Variants in PCDH15 observed in about 807,000 individuals in gnomAD.
PCDH15 encodes the protein protocadherin-15.
Under a neutral mutation model 178.5 loss-of-function variants are expected in PCDH15, and 129 were observed. That is an observed-to-expected ratio of 0.72 (90% CI 0.63 to 0.84). PCDH15 has a LOEUF of 0.84. Among genes scored for constraint, PCDH15 ranks in the 40% least tolerant of loss-of-function variants. The pLI is 0.00. For missense variants in PCDH15, 2,230 were observed against 2,099.9 expected (o/e 1.06, Z -1.21); for synonymous variants, 800 against 732.0 (o/e 1.09, Z -1.50).
intron 18 of PCDH15, among the ~76,000 whole-genome samples, chr10:54,060,846 T>C (rs148703115): frequency 6.6e-6 from 1 of 151,680 alleles, no homozygotes; most frequent in African/African-American, 2.4e-5. Context: ...GCATAAGAGG[T>C]GAGGGTTGTT....
At chr10:55,034,473 GT>G (rs1471720531) in intron 2 of PCDH15, among the ~76,000 whole-genome samples, 1 of 152,006 alleles carries the variant, frequency 6.6e-6, no homozygotes, top group Non-Finnish European at 1.5e-5. Context: ...ATATTTTTTT[GT>G]TTTCTTTGTA....
At chr10:55,499,249 T>C (rs1022741160) in intron 2 of PCDH15, among the ~76,000 whole-genome samples, 3 of 151,866 alleles carry the variant, frequency 2.0e-5, no homozygotes, top group East Asian at 1.9e-4. Context: ...AAATTTGTGG[T>C]AATTTGACAG....
rs548021914 is a variant in PCDH15, at chr10:53,821,730, GA to G, written c.4368-1501del. 8.1e-4 allele frequency: 1,228 copies of G among 1,519,158 alleles called. 6 individuals carry two copies. Among genetic ancestry groups the G allele is most frequent in the Middle Eastern group, 4.9e-3 (20 of 4,048 alleles). 94.1% of individuals were successfully genotyped at this position (1,519,158 alleles called of 1,614,324 possible). On this transcript the variant is annotated intron_variant, in intron 32 of 37. Transcript: ENST00000644397. ...TAATATCTTTTTAAATTAAAAACGA[GA>G]AAAAAAACTGCATTTCATTGAATTT...
chr10:55,023,004 C>A (rs1324805487), intron 2 of PCDH15, among the ~76,000 whole-genome samples: 1 of 151,916 alleles, frequency 6.6e-6, no homozygotes, highest in Non-Finnish European at 1.5e-5. Context: ...TGCAGTGGCT[C>A]CATCGCCGCT....
chr10:54,469,397 C>T (rs374030105), intron 3 of PCDH15, among the ~76,000 whole-genome samples: 1 of 152,152 alleles, frequency 6.6e-6, no homozygotes, highest in African/African-American at 2.4e-5. Flanking sequence ...ATGCTGCCCC[C>T]ATCCCTGCCT....
intron 2 of PCDH15, among the ~76,000 whole-genome samples, chr10:54,559,272 C>T (rs1046963952): frequency 2.8e-4 from 43 of 151,986 alleles, no homozygotes; most frequent in Non-Finnish European, 2.9e-5. Context: ...CTTTGTAATG[C>T]TCCTGTGAGT....
rs559619370 is a variant in PCDH15, at chr10:54,278,876, A to T, written c.876+38395T>A. Among the ~76,000 whole-genome samples the T allele has an allele frequency of 2.0e-5, 3 of 151,694 alleles. No individual in the cohort carries two copies. In the South Asian group the frequency reaches 6.2e-4, roughly 31 times the overall value. ...TCTCTTTTGTACTTTACAAATCTGC[A>T]CTTCAATTCTTCTTAGTTCGAGACT... On this transcript the variant is annotated intron_variant, in intron 8 of 37. Transcript: ENST00000644397.
chr10:55,442,972 G>T (rs1839231383), intron 2 of PCDH15, among the ~76,000 whole-genome samples: 1 of 151,980 alleles, frequency 6.6e-6, no homozygotes, highest in Non-Finnish European at 1.5e-5. Context: ...GATAAATAGA[G>T]AATTTAACTT....
intron 2 of PCDH15, among the ~76,000 whole-genome samples, chr10:55,624,138 A>G (rs1343523309): frequency 6.6e-6 from 1 of 152,008 alleles, no homozygotes; most frequent in African/African-American, 2.4e-5. Context: ...CAATCTCAAT[A>G]TATCAATCAT....
chr10:55,201,627 T>C (rs1840250317), intron 1 of PCDH15, among the ~76,000 whole-genome samples: 1 of 152,164 alleles, frequency 6.6e-6, no homozygotes, highest in African/African-American at 2.4e-5. Context: ...TCTGATGTAG[T>C]GGTTGTCTAC....
At chr10:55,054,477 G>A (rs1310260427) in intron 2 of PCDH15, among the ~76,000 whole-genome samples, 6 of 152,070 alleles carry the variant, frequency 3.9e-5, no homozygotes. Context: ...GAATAGTGCT[G>A]CAATGAAAAT....
intron 3 of PCDH15, among the ~76,000 whole-genome samples, chr10:54,819,340 C>G (rs1198556175): frequency 6.6e-6 from 1 of 151,840 alleles, no homozygotes; most frequent in Non-Finnish European, 1.5e-5. Context: ...TCACAATGTT[C>G]ATATTTAATC....
At chr10:55,068,352 G>T (rs908233749) in intron 2 of PCDH15, among the ~76,000 whole-genome samples, 2 of 152,040 alleles carry the variant, frequency 1.3e-5, no homozygotes, top group Non-Finnish European at 2.9e-5. Context: ...ATTCATTAAA[G>T]AGACTGTCCT....
At chr10:54,370,457 C>T (rs1370445269) in intron 4 of PCDH15, among the ~76,000 whole-genome samples, 1 of 151,844 alleles carries the variant, frequency 6.6e-6, no homozygotes, top group African/African-American at 2.4e-5. Flanking sequence ...TCAATACAAC[C>T]TGTGTGTTAT....
rs771384988 is a variant in PCDH15, at chr10:54,902,884, T to G, written c.-79-5384A>C. ...CAGCCATAGATAGGCAGTTTTGTGCTGCAATTTCAGCAGTCACTGTACTTG... is the reference window on the plus strand; with the variant it reads ...CAGCCATAGATAGGCAGTTTTGTGCGGCAATTTCAGCAGTCACTGTACTTG... On this transcript the variant is annotated intron_variant, in intron 2 of 5. Transcript: ENST00000458638. Among the ~76,000 whole-genome samples, 2 of 152,104 alleles carry G rather than the reference T, an allele frequency of 1.3e-5. 1 individual carries two copies. Among genetic ancestry groups the G allele is most frequent in the Admixed American group, 1.3e-4 (2 of 15,268 alleles).
At chr10:54,417,923 G>A (rs1457004084) in intron 3 of PCDH15, among the ~76,000 whole-genome samples, 1 of 152,098 alleles carries the variant, frequency 6.6e-6, no homozygotes, top group South Asian at 2.1e-4. Context: ...TCATTTTGTA[G>A]AGAGGGTCTT....
At chr10:54,716,682 A>G (rs148037941) in intron 1 of PCDH15, among the ~76,000 whole-genome samples, 18,423 of 151,842 alleles carry the variant, frequency 0.12, 1,247 homozygotes, top group African/African-American at 0.17. Flanking sequence ...TGGCCATACC[A>G]CCCAAGGTAA....
At chr10:54,474,034 A>C (rs2136749646) in intron 3 of PCDH15, among the ~76,000 whole-genome samples, 1 of 152,016 alleles carries the variant, frequency 6.6e-6, no homozygotes, top group East Asian at 1.9e-4. Flanking sequence ...CTAAAGAGTG[A>C]TTCCTGATAA....
intron 3 of PCDH15, among the ~76,000 whole-genome samples, chr10:54,436,765 A>G (rs1478139720): frequency 1.3e-5 from 2 of 151,882 alleles, no homozygotes; most frequent in Admixed American, 1.3e-4. Context: ...AAGTCTAGAA[A>G]CTTTGTTACA....
Sources: allele counts gnomAD v4.1 joint callset (sites outside exome capture counted in the v4.1 genomes callset), GRCh38; gene constraint gnomAD v4.1.1; transcripts MANE v1.5; gene names NCBI Gene and HGNC (gene_info 2026-07-23, HGNC 2026-07-21).